The following CTDSPL variants were observed in gnomAD, a reference collection of about 807,000 sequenced individuals.
CTDSPL encodes the protein CTD small phosphatase-like protein.
Under a neutral mutation model 30.5 loss-of-function variants are expected in CTDSPL, and 8 were observed. That is an observed-to-expected ratio of 0.26 (90% CI 0.15 to 0.47). The LOEUF (loss-of-function observed/expected upper bound fraction) is 0.47. Among genes scored for constraint, CTDSPL ranks in the 20% least tolerant of loss-of-function variants. CTDSPL has a pLI of 0.99. For missense variants in CTDSPL, 248 were observed against 366.1 expected (o/e 0.68, Z 2.63); for synonymous variants, 110 against 137.9 (o/e 0.80, Z 1.42).
intron 1 of CTDSPL, among the ~76,000 whole-genome samples, chr3:37,923,883 T>C (rs1183655272): frequency 6.6e-6 from 1 of 152,128 alleles, no homozygotes; most frequent in Admixed American, 6.5e-5. Flanking sequence ...AGAGCCATGA[T>C]AGCAGGAAGG....
chr3:37,900,426 A>G (rs1698436045), intron 1 of CTDSPL, among the ~76,000 whole-genome samples: 1 of 152,220 alleles, frequency 6.6e-6, no homozygotes, highest in Non-Finnish European at 1.5e-5. Flanking sequence ...TAAGGGTCAC[A>G]TTTTGACAGT....
At chr3:37,888,391 G>A (rs77145943) in intron 1 of CTDSPL, among the ~76,000 whole-genome samples, 3,855 of 152,270 alleles carry the variant, frequency 0.025, 129 homozygotes, top group South Asian at 0.079. Context: ...TGTTGCCAAA[G>A]CATCACCTTC....
intron 1 of CTDSPL, among the ~76,000 whole-genome samples, chr3:37,882,296 G>A (rs1226342983): frequency 6.6e-6 from 1 of 152,056 alleles, no homozygotes; most frequent in Admixed American, 6.6e-5. Context: ...CAAAAAATTA[G>A]CCAGGTGTGG....
At chr3:37,894,072 T>C (rs1239411375) in intron 1 of CTDSPL, among the ~76,000 whole-genome samples, 2 of 152,134 alleles carry the variant, frequency 1.3e-5, no homozygotes, top group Non-Finnish European at 2.9e-5. Flanking sequence ...TATAGAATTC[T>C]GGGATGAAGT....
chr3:37,872,241 A>AT (rs1372589993), intron 1 of CTDSPL, among the ~76,000 whole-genome samples: 1 of 152,162 alleles, frequency 6.6e-6, no homozygotes, highest in African/African-American at 2.4e-5. Flanking sequence ...TTGTTGAAGC[A>AT]TTTTTTTAAA....
intron 1 of CTDSPL, among the ~76,000 whole-genome samples, chr3:37,867,558 C>T (rs1698024864): frequency 6.6e-6 from 1 of 152,178 alleles, no homozygotes; most frequent in African/African-American, 2.4e-5. Context: ...GTAAATGTAG[C>T]ATTTTACATA....
chr3:37,877,473 A>C (rs139707626), intron 1 of CTDSPL, among the ~76,000 whole-genome samples: 2 of 152,300 alleles, frequency 1.3e-5, no homozygotes, highest in East Asian at 3.9e-4. Flanking sequence ...TTGTGTATGT[A>C]TGCCACCTTT....
rs142399044 is a variant in CTDSPL at position 37,944,511 on chromosome 3, A to T, written c.80-2546A>T. Among the ~76,000 whole-genome samples the T allele has an allele frequency of 1.5e-3, 226 of 150,264 alleles. 3 individuals carry two copies. Among genetic ancestry groups the T allele is most frequent in the African/African-American group, 5.2e-3 (214 of 41,418 alleles). ...GGGGCTGGAAGGCAGTAGGGTCATT[A>T]GTCCAGAGCACCCACGTCTGGAGCC... On this transcript the variant is annotated intron_variant, in intron 1 of 7. Coordinates refer to ENST00000273179, the MANE Select transcript of CTDSPL (RefSeq NM_001008392.2).
At chr3:37,870,560 TG>T (rs1698060563) in intron 1 of CTDSPL, among the ~76,000 whole-genome samples, 1 of 152,158 alleles carries the variant, frequency 6.6e-6, no homozygotes, top group Non-Finnish European at 1.5e-5. Flanking sequence ...TCAACTTTGT[TG>T]ATTTCTGTTC....
At chr3:37,974,412 C>T (rs1421437711) in intron 6 of CTDSPL, among the ~76,000 whole-genome samples, 3 of 152,228 alleles carry the variant, frequency 2.0e-5, no homozygotes, top group African/African-American at 4.8e-5. Context: ...GCCTTCCCAG[C>T]GCCACCAGCC....
chr3:37,951,763 A>G (rs1423409964), intron 2 of CTDSPL, among the ~76,000 whole-genome samples: 1 of 152,200 alleles, frequency 6.6e-6, no homozygotes, highest in Non-Finnish European at 1.5e-5. Flanking sequence ...TAGAAAATAG[A>G]TCTTTAAAAT....
intron 1 of CTDSPL, among the ~76,000 whole-genome samples, chr3:37,896,241 A>G (rs987963385): frequency 6.6e-6 from 1 of 152,214 alleles, no homozygotes; most frequent in Non-Finnish European, 1.5e-5. Context: ...TAAGAGAGGT[A>G]CAGACGTGCT....
intron 1 of CTDSPL, among the ~76,000 whole-genome samples, chr3:37,906,710 A>C (rs896637587): frequency 6.6e-6 from 1 of 152,138 alleles, no homozygotes; most frequent in East Asian, 1.9e-4. Flanking sequence ...ATTCCCAAAG[A>C]GTGTAAAGTG....
rs1229802509 is a variant in CTDSPL, at chr3:37,879,227, T to A, written c.79+16949T>A. Among the ~76,000 whole-genome samples, 4 of 152,240 alleles carry A rather than the reference T, an allele frequency of 2.6e-5. No individual in the cohort carries two copies. The East Asian group carries it at 7.7e-4, about 29-fold the overall frequency. On this transcript the variant is annotated intron_variant, in intron 1 of 7. Coordinates refer to ENST00000273179, the MANE Select transcript of CTDSPL (RefSeq NM_001008392.2). ...GTTCATATAGAGATCACAATTCTGA[T>A]GGCCAACAATTTCAAGACATCACTT...
intron 2 of CTDSPL, among the ~76,000 whole-genome samples, chr3:37,953,383 C>G (rs1418470945): frequency 6.6e-6 from 1 of 152,146 alleles, no homozygotes; most frequent in Non-Finnish European, 1.5e-5. Context: ...GAAAAACATG[C>G]CTTATTTCAA....
At chr3:37,941,860 C>T (rs889287133) in intron 1 of CTDSPL, among the ~76,000 whole-genome samples, 4 of 150,328 alleles carry the variant, frequency 2.7e-5, no homozygotes, top group African/African-American at 9.7e-5. Context: ...CTTGCATGGT[C>T]CTCCTCAATG....
At chr3:37,960,618 A>T (rs1296277175) in intron 3 of CTDSPL, among the ~76,000 whole-genome samples, 3 of 94,750 alleles carry the variant, frequency 3.2e-5, no homozygotes, top group African/African-American at 1.2e-4. Context: ...AATCCCAGCT[A>T]ACTCGGGAGG....
intron 4 of CTDSPL, among the ~76,000 whole-genome samples, chr3:37,964,950 A>G (rs531384340): frequency 3.9e-5 from 6 of 152,348 alleles, no homozygotes; most frequent in Non-Finnish European, 8.8e-5. Context: ...CGCTGCAGAA[A>G]TACTTTTCAG....
At chr3:37,869,374 C>T (rs1281678197) in intron 1 of CTDSPL, among the ~76,000 whole-genome samples, 3 of 151,936 alleles carry the variant, frequency 2.0e-5, no homozygotes, top group African/African-American at 4.8e-5. Context: ...ATTTTTTAAG[C>T]GACTATCAAT....
Sources: gnomAD v4.1 joint callset for allele counts (sites outside exome capture counted in the v4.1 genomes callset) on GRCh38, gnomAD v4.1.1 for gene constraint, MANE v1.5 for transcripts, NCBI Gene and HGNC (gene_info 2026-07-23, HGNC 2026-07-21) for gene names.